The following SHC3 variants were observed in gnomAD, a reference collection of about 807,000 sequenced individuals.
SHC3 encodes the protein SHC-transforming protein 3.
In SHC3, 15 loss-of-function variants were observed where a neutral mutation model predicts 60.4. That is an observed-to-expected ratio of 0.25 (90% CI 0.17 to 0.38). The LOEUF is 0.38. Among genes scored for constraint, SHC3 ranks in the 10% least tolerant of loss-of-function variants. The pLI, the probability that SHC3 is intolerant of heterozygous loss-of-function variation, is 1.00. For missense variants in SHC3, 677 were observed against 786.1 expected, an observed-to-expected ratio of 0.86 and a Z score of 1.66; for synonymous variants, 294 against 325.9, an observed-to-expected ratio of 0.90 and a Z score of 1.05.
intron 1 of SHC3, among the ~76,000 whole-genome samples, chr9:89,125,672 C>G (rs1428496754): frequency 6.6e-6 from 1 of 152,138 alleles, no homozygotes; most frequent in Non-Finnish European, 1.5e-5. Flanking sequence ...CCACCAAAAC[C>G]AAGATGGTGA....
chr9:89,040,225 C>CCATTAT, intron 10 of SHC3, among the ~76,000 whole-genome samples: 1 of 2,118 alleles, frequency 4.7e-4, no homozygotes. Context: ...ATCATCACCA[C>CCATTAT]CACCATCACC....
chr9:89,084,617 A>G (rs568371520), intron 2 of SHC3, among the ~76,000 whole-genome samples: 1 of 152,334 alleles, frequency 6.6e-6, no homozygotes, highest in African/African-American at 2.4e-5. Flanking sequence ...CTTTATTCTT[A>G]TAAACACTTT....
chr9:89,132,147 C>T (rs1257375950), intron 1 of SHC3, among the ~76,000 whole-genome samples: 3 of 152,164 alleles, frequency 2.0e-5, no homozygotes, highest in Admixed American at 6.6e-5. Context: ...CATGAGTGAA[C>T]TCCCATTCAC....
intron 11 of SHC3, among the ~76,000 whole-genome samples, chr9:89,016,785 A>G (rs548648809): frequency 2.0e-5 from 3 of 152,342 alleles, no homozygotes; most frequent in African/African-American, 7.2e-5. Flanking sequence ...GGCAAATTGA[A>G]CCCAACAATG....
At chr9:89,163,228 G>GC (rs976734739) in intron 1 of SHC3, among the ~76,000 whole-genome samples, 3 of 151,906 alleles carry the variant, frequency 2.0e-5, no homozygotes, top group African/African-American at 7.3e-5. Flanking sequence ...ATTTGACCCA[G>GC]CCATCCCATT....
chr9:89,177,502 G>C (rs1397490066), intron 1 of SHC3, among the ~76,000 whole-genome samples: 3 of 152,220 alleles, frequency 2.0e-5, no homozygotes, highest in Non-Finnish European at 2.9e-5. Flanking sequence ...TCTGCAAGGA[G>C]CTGGGAATTC....
intron 2 of SHC3, chr9:89,109,385 A>G: frequency 1.0e-6 from 1 of 979,404 alleles, no homozygotes; most frequent in Non-Finnish European, 1.2e-6. Flanking sequence ...GCTCATGCAC[A>G]CAGAATACAT....
At chr9:89,062,287 C>A (rs1825103825) in intron 6 of SHC3, among the ~76,000 whole-genome samples, 1 of 152,170 alleles carries the variant, frequency 6.6e-6, no homozygotes, top group African/African-American at 2.4e-5. Context: ...CTACAGGTGC[C>A]AGTAGTCATC....
At chr9:89,171,400 C>A (rs900757902) in intron 1 of SHC3, among the ~76,000 whole-genome samples, 1 of 152,152 alleles carries the variant, frequency 6.6e-6, no homozygotes, top group African/African-American at 2.4e-5. Context: ...GAGTAGAGAG[C>A]ACTTCTGATG....
chr9:89,100,189 A>T (rs1461593998), intron 2 of SHC3, among the ~76,000 whole-genome samples: 1 of 152,016 alleles, frequency 6.6e-6, no homozygotes, highest in East Asian at 1.9e-4. Flanking sequence ...CAAGATGCAT[A>T]TTTTTTTTCA....
At chr9:89,065,453 AC>A (rs1367575413) in intron 6 of SHC3, 75 bp downstream of exon 6, 13 of 1,474,222 alleles carry the variant, frequency 8.8e-6, no homozygotes, top group Non-Finnish European at 1.2e-5. Flanking sequence ...GGCTGAGATA[AC>A]GAGGACCAGC....
intron 2 of SHC3, among the ~76,000 whole-genome samples, chr9:89,100,701 C>T (rs1587727131): frequency 1.3e-5 from 2 of 152,100 alleles, no homozygotes; most frequent in East Asian, 1.9e-4. Context: ...ATAGTTTTAC[C>T]TTTTCTAGAA....
At chr9:89,154,299 C>T (rs1362631683) in intron 1 of SHC3, among the ~76,000 whole-genome samples, 2 of 152,100 alleles carry the variant, frequency 1.3e-5, no homozygotes, top group Non-Finnish European at 2.9e-5. Context: ...CCCAGGGAAG[C>T]CAAAACACTG....
chr9:89,133,785 C>A (rs1826282833), intron 1 of SHC3, among the ~76,000 whole-genome samples: 1 of 151,932 alleles, frequency 6.6e-6, no homozygotes, highest in South Asian at 2.1e-4. Context: ...CTGGGAGGGA[C>A]AGCATTAGGA....
At chr9:89,057,994 C>T (rs12005452) in intron 6 of SHC3, among the ~76,000 whole-genome samples, 15,288 of 152,266 alleles carry the variant, frequency 0.1, 2,504 homozygotes, top group African/African-American at 0.35. Flanking sequence ...ACTGATGCTG[C>T]CACAAGCCAA....
intron 1 of SHC3, among the ~76,000 whole-genome samples, chr9:89,120,900 T>C (rs1298340482): frequency 6.6e-6 from 1 of 151,576 alleles, no homozygotes; most frequent in African/African-American, 2.4e-5. Flanking sequence ...TAAAAATTAT[T>C]TAAAATAAAA....
intron 6 of SHC3, among the ~76,000 whole-genome samples, chr9:89,060,740 A>G (rs11137499): frequency 0.052 from 7,940 of 152,202 alleles, 280 homozygotes; most frequent in Middle Eastern, 0.085. Flanking sequence ...TCTGTCTGCC[A>G]TGTGGACAAA....
chr9:89,111,523 G>C lies in SHC3; in HGVS notation c.545+1033C>G, dbSNP rs546063090. On this transcript the variant is annotated intron_variant, in intron 2 of 11. Coordinates refer to ENST00000375835, the MANE Select transcript of SHC3 (RefSeq NM_016848.6). ...ATGTGGAGGTGGATTCCTTCCTTCA[G>C]GTAGATTACTGATGTTGGTACATTC... is the stretch of plus-strand genomic sequence containing the variant. Among the ~76,000 whole-genome samples the C allele has an allele frequency of 2.0e-5, 3 of 152,006 alleles. No individual in the cohort carries two copies. The South Asian group carries it at 6.2e-4, about 32-fold the overall frequency.
At chr9:89,059,753 A>ACAG in intron 6 of SHC3, among the ~76,000 whole-genome samples, 1 of 43,578 alleles carries the variant, frequency 2.3e-5, no homozygotes, top group Non-Finnish European at 4.3e-5. Context: ...GTGGTGGAGG[A>ACAG]TGGTGGTGGA....
Sources: gnomAD v4.1 joint callset for allele counts (sites outside exome capture counted in the v4.1 genomes callset) on GRCh38, gnomAD v4.1.1 for gene constraint, MANE v1.5 for transcripts, NCBI Gene and HGNC (gene_info 2026-07-23, HGNC 2026-07-21) for gene names.